TMEM178B: variants seen among roughly 807,000 people sequenced by gnomAD.
TMEM178B encodes transmembrane protein 178B.
In TMEM178B, 5 loss-of-function variants were observed where a neutral mutation model predicts 31.0. The ratio of observed to expected loss-of-function variants is 0.16; its 90% CI spans 0.08 to 0.34. The LOEUF (loss-of-function observed/expected upper bound fraction) is 0.34. Among genes scored for constraint, TMEM178B ranks in the 10% least tolerant of loss-of-function variants. TMEM178B has a pLI of 1.00. For missense variants in TMEM178B, 275 were observed against 400.3 expected, an observed-to-expected ratio of 0.69 and a Z score of 2.67; for synonymous variants, 164 against 164.0, an observed-to-expected ratio of 1.00 and a Z score of 0.00.
chr7:141,103,149 C>T (rs566044761), intron 1 of TMEM178B, among the ~76,000 whole-genome samples: 2 of 152,196 alleles, frequency 1.3e-5, no homozygotes, highest in East Asian at 1.9e-4. Flanking sequence ...CTTTCAAGTG[C>T]GGAAAGGAAA....
intron 1 of TMEM178B, among the ~76,000 whole-genome samples, chr7:141,184,765 A>G (rs935563639): frequency 1.3e-5 from 2 of 152,116 alleles, no homozygotes; most frequent in Non-Finnish European, 2.9e-5. Flanking sequence ...ACTATGATCT[A>G]TTGTCCTTGG....
chr7:141,108,131 T>C (rs1260780287), intron 1 of TMEM178B, among the ~76,000 whole-genome samples: 3 of 152,180 alleles, frequency 2.0e-5, no homozygotes, highest in East Asian at 3.9e-4. Context: ...CATGAGAAGA[T>C]GGAAGGAGAA....
chr7:141,350,783 T>C (rs904125210), intron 2 of TMEM178B, among the ~76,000 whole-genome samples: 5 of 152,168 alleles, frequency 3.3e-5, no homozygotes, highest in South Asian at 2.1e-4. Context: ...TTTTCTTACA[T>C]ACACACACAC....
At chr7:141,292,700 C>T (rs1798567339) in intron 2 of TMEM178B, among the ~76,000 whole-genome samples, 1 of 135,650 alleles carries the variant, frequency 7.4e-6, no homozygotes, top group Admixed American at 8.7e-5. Context: ...CACACTGGTG[C>T]GACCTCGGCT....
chr7:141,248,132 C>T (rs566298634), intron 2 of TMEM178B, among the ~76,000 whole-genome samples: 2 of 151,942 alleles, frequency 1.3e-5, no homozygotes, highest in Admixed American at 6.5e-5. Flanking sequence ...GATACGTGGC[C>T]GGGCACAGTA....
intron 1 of TMEM178B, among the ~76,000 whole-genome samples, chr7:141,179,890 C>T (rs572370582): frequency 1.5e-4 from 23 of 152,324 alleles, no homozygotes; most frequent in African/African-American, 4.8e-4. Flanking sequence ...CCCACAACTC[C>T]TCTGTCTCTC....
intron 2 of TMEM178B, among the ~76,000 whole-genome samples, chr7:141,220,826 C>T (rs968255190): frequency 6.6e-6 from 1 of 152,192 alleles, no homozygotes. Context: ...CCGCCTTCAT[C>T]CATTTGTTCA....
chr7:141,363,731 A>G (rs888683988), intron 2 of TMEM178B, among the ~76,000 whole-genome samples: 3 of 152,124 alleles, frequency 2.0e-5, no homozygotes, highest in East Asian at 1.9e-4. Context: ...GCTGTTTTGA[A>G]TAAAGATAAG....
chr7:141,162,991 G>A (rs1796200530), intron 1 of TMEM178B, among the ~76,000 whole-genome samples: 1 of 152,192 alleles, frequency 6.6e-6, no homozygotes, highest in Non-Finnish European at 1.5e-5. Context: ...AGGTTTTAAA[G>A]CAGTGTATCA....
At chr7:141,214,597 G>A (rs1275522978) in intron 2 of TMEM178B, among the ~76,000 whole-genome samples, 1 of 152,196 alleles carries the variant, frequency 6.6e-6, no homozygotes, top group South Asian at 2.1e-4. Flanking sequence ...TCTTTTGACT[G>A]CACACACTGT....
chr7:141,337,083 CCCCCATCACTACCATCATCAT>C (rs1799421662), intron 2 of TMEM178B, among the ~76,000 whole-genome samples: 1 of 69,442 alleles, frequency 1.4e-5, no homozygotes, highest in African/African-American at 1.1e-4. Context: ...ACCACCACCA[CCCCCATCACTACCATCATCAT>C]CACCACCACC....
chr7:141,504,646 G>A, the TMEM178B span, among the ~76,000 whole-genome samples: 1 of 152,332 alleles, frequency 6.6e-6, no homozygotes, highest in East Asian at 1.9e-4. Context: ...CAAAGGGTTA[G>A]ACTGAACAAA....
intron 1 of TMEM178B, among the ~76,000 whole-genome samples, chr7:141,199,225 T>G (rs1341130290): frequency 6.6e-6 from 1 of 152,054 alleles, no homozygotes; most frequent in African/African-American, 2.4e-5. Context: ...AAAAAAGGAA[T>G]TAGGATAAAA....
intron 1 of TMEM178B, among the ~76,000 whole-genome samples, chr7:141,115,002 G>C (rs114212245): frequency 6.6e-6 from 1 of 152,022 alleles, no homozygotes; most frequent in Non-Finnish European, 1.5e-5. Context: ...GGACTAGATT[G>C]ATCCCAAGAA....
chr7:141,216,534 C>G (rs1264048806), intron 2 of TMEM178B, among the ~76,000 whole-genome samples: 1 of 145,336 alleles, frequency 6.9e-6, no homozygotes. Flanking sequence ...CTGAGTTGTC[C>G]AGGTGAACTG....
At chr7:141,391,669 C>A (rs1317704947) in intron 2 of TMEM178B, among the ~76,000 whole-genome samples, 2 of 152,130 alleles carry the variant, frequency 1.3e-5, no homozygotes, top group African/African-American at 4.8e-5. Flanking sequence ...CTCTGTCCTC[C>A]ATAGACATGA....
intron 2 of TMEM178B, among the ~76,000 whole-genome samples, chr7:141,225,548 T>C (rs1797328425): frequency 6.6e-6 from 1 of 152,202 alleles, no homozygotes; most frequent in South Asian, 2.1e-4. Flanking sequence ...AGGACTTCTC[T>C]GGAAATGGGT....
chr7:141,435,549 G>A (rs996779859), intron 2 of TMEM178B, among the ~76,000 whole-genome samples: 1 of 152,158 alleles, frequency 6.6e-6, no homozygotes, highest in African/African-American at 2.4e-5. Flanking sequence ...TAAGGTATAG[G>A]GCTGGTGGCC....
intron 1 of TMEM178B, among the ~76,000 whole-genome samples, chr7:141,078,852 C>T (rs1035057224): frequency 6.6e-6 from 1 of 152,052 alleles, no homozygotes; most frequent in African/African-American, 2.4e-5. Flanking sequence ...ATTTCTGGGG[C>T]AAGGAGAAGG....
Sources: allele counts gnomAD v4.1 joint callset (sites outside exome capture counted in the v4.1 genomes callset), GRCh38; gene constraint gnomAD v4.1.1; transcripts MANE v1.5; gene names NCBI Gene and HGNC (gene_info 2026-07-23, HGNC 2026-07-21).